Variants in PCM1 observed in about 807,000 individuals in gnomAD.
The protein encoded by PCM1 is pericentriolar material 1 protein.
In PCM1, 157 loss-of-function variants were observed where a neutral mutation model predicts 241.9. That is an observed-to-expected ratio of 0.65 (90% CI 0.57 to 0.74). The LOEUF (loss-of-function observed/expected upper bound fraction) is 0.74, where lower values mean the gene tolerates loss of function less well. PCM1 is among the 30% of genes least tolerant of loss of function. PCM1 has a pLI of 0.00. For missense variants in PCM1, 3,478 were observed against 2,360.1 expected (o/e 1.47, Z -9.81); for synonymous variants, 1,085 against 784.9 (o/e 1.38, Z -6.39).
chr8:17,983,181 T>G, intron 24 of PCM1: 1 of 932,288 alleles, frequency 1.1e-6, no homozygotes, highest in Non-Finnish European at 1.5e-6. Flanking sequence ...GACCCTGTCT[T>G]TACTACTCAT....
chr8:17,964,318 A>G (rs1372031528), intron 17 of PCM1, among the ~76,000 whole-genome samples: 1 of 152,216 alleles, frequency 6.6e-6, no homozygotes, highest in Non-Finnish European at 1.5e-5. Flanking sequence ...AGCTTTGGGA[A>G]GTAGTCCCAG....
Position 18,010,616 on chromosome 8 carries a change from G to A in PCM1, c.5168G>A (p.Arg1723Lys). 6.2e-7 allele frequency: 1 copy of A among 1,601,040 alleles called. No homozygotes were observed. ...VIQSCAKEAK[R>K]ILEDHGSPAG... is the part of the protein sequence containing the mutation. ...AATTGATTTGTTTTAAAGGCTAAAA[G>A]GATTCTTGAAGATCATGGCTCACCT... Residue 1723 changes from arginine (R) to lysine (K), a missense_variant, in exon 32 of 39, where the codon AGG (arginine) becomes AAG (lysine). Physicochemically the swap from Arg to Lys is conservative, Grantham distance 26. Coordinates refer to ENST00000325083, the MANE Select transcript of PCM1 (RefSeq NM_006197.4).
intron 29 of PCM1, among the ~76,000 whole-genome samples, chr8:18,005,007 T>A (rs1652328979): frequency 6.6e-6 from 1 of 152,164 alleles, no homozygotes. Flanking sequence ...CTACTGTTAC[T>A]TTTTCACGTA....
At chr8:17,957,450 T>G (rs1188275134) in intron 12 of PCM1, 29 bp downstream of exon 12, 11 of 1,609,686 alleles carry the variant, frequency 6.8e-6, no homozygotes, top group Non-Finnish European at 8.5e-6. Flanking sequence ...ACATATAATT[T>G]TGCTGTGTTA....
Position 17,972,311 on chromosome 8 carries a change from C to G in PCM1, c.3585-18C>G. On this transcript the variant is annotated intron_variant, in intron 22 of 38. Transcript: ENST00000325083. ...AACTATAGTTGTTAACTTATAAAAA[C>G]TTGTTTTCATTGGTAAGGAATAAAA... 3 of 1,403,892 alleles carry G rather than the reference C, an allele frequency of 2.1e-6. No homozygotes were observed. Among genetic ancestry groups the G allele is most frequent in the Non-Finnish European group, 2.8e-6 (3 of 1,056,422 alleles). The allele number at this position is 1,403,892 out of a possible 1,614,324, so 87.0% of individuals were successfully genotyped here. A position where few individuals can be genotyped will look rare whatever the true frequency, so the allele number is the denominator to read the frequency against.
rs1415520938 is a variant in PCM1, at chr8:18,009,677, T to C, written c.5093T>C (p.Ile1698Thr). 1 of 1,569,422 alleles carries C rather than the reference T, an allele frequency of 6.4e-7. No homozygotes were observed. The highest frequency in any genetic ancestry group is 8.6e-7 in the Non-Finnish European group (1 of 1,159,010). Residue 1698 changes from isoleucine (I) to threonine (T), a missense_variant, in exon 31 of 39, where the codon ATA becomes ACA. Coordinates refer to ENST00000325083, the MANE Select transcript of PCM1 (RefSeq NM_006197.4). ...ATGCAAGATTTGGATAATAATAGTA[T>C]AACTGTTAAACAGAGATGCAAAAGG... ...KLMQDLDNNSITVKQRCKRKI... is the reference protein window; with the variant it reads ...KLMQDLDNNSTTVKQRCKRKI...
intron 24 of PCM1, among the ~76,000 whole-genome samples, 189 bp from the exon 25 acceptor site, chr8:17,985,258 C>G (rs1477348356): frequency 6.6e-6 from 1 of 151,520 alleles, no homozygotes; most frequent in African/African-American, 2.4e-5. Context: ...AAATGCATAT[C>G]TTGATATTTT....
chr8:17,982,746 G>A (rs981392994), intron 24 of PCM1: 1 of 152,272 alleles, frequency 6.6e-6, no homozygotes, highest in Admixed American at 6.6e-5. Flanking sequence ...CGCCCGCCTC[G>A]GCCTCCCAAA....
chr8:17,976,251 C>G (rs2078731601), intron 23 of PCM1, among the ~76,000 whole-genome samples: 1 of 152,210 alleles, frequency 6.6e-6, no homozygotes, highest in African/African-American at 2.4e-5. Flanking sequence ...GGTGCCATTT[C>G]TCTGTGCCCC....
chr8:18,010,851 T>C (rs1198844819), intron 32 of PCM1, among the ~76,000 whole-genome samples, 183 bp downstream of exon 32: 2 of 152,122 alleles, frequency 1.3e-5, no homozygotes, highest in Admixed American at 1.3e-4. Context: ...CGTGTGCCTA[T>C]AGTCCCAGCT....
At position 17,980,729 on chromosome 8, in the gene PCM1, G is replaced by A. The variant is rs770022786; in HGVS notation, c.4082G>A (p.Cys1361Tyr). The change falls in exon 24 of 39, where the codon TGT becomes TAT. Residue 1361 changes from cysteine (C) to tyrosine (Y), a missense_variant. Transcript: ENST00000325083. The part of the protein sequence containing the change: ...NHEQLEKIIK[C>Y]NRSTEISSET... ...GAGCAACTGGAAAAAATAATAAAAT[G>A]TAATAGGTCTACAGAAATATCTTCA... 4 of 1,610,652 alleles carry A rather than the reference G, an allele frequency of 2.5e-6. No individual in the cohort carries two copies. Among genetic ancestry groups the A allele is most frequent in the Admixed American group, 1.7e-5 (1 of 59,976 alleles).
At position 17,964,855 on chromosome 8, in the gene PCM1, C is replaced by G. The variant is rs577189451; in HGVS notation, c.2855+87C>G. ...GCAAGCACTTCTGCAGTTCTCCAAG[C>G]CAACTGAATGTCCTACAACTCAATT... On this transcript the variant is annotated intron_variant, in intron 18 of 38. Transcript: ENST00000325083. 3.3e-3 allele frequency: 3,062 copies of G among 934,598 alleles called. 54 individuals carry two copies. In the African/African-American group the frequency reaches 0.04, roughly 12 times the overall value. 57.9% of individuals were successfully genotyped at this position (934,598 alleles called of 1,614,324 possible).
chr8:17,930,658 C>G (rs1192312300), intron 2 of PCM1, among the ~76,000 whole-genome samples: 1 of 151,744 alleles, frequency 6.6e-6, no homozygotes, highest in Non-Finnish European at 1.5e-5. Context: ...GCGGGCGGAT[C>G]ACGAGGTCAG....
chr8:17,987,818 A>G (rs1466221181), intron 26 of PCM1, among the ~76,000 whole-genome samples: 1 of 151,860 alleles, frequency 6.6e-6, no homozygotes, highest in East Asian at 1.9e-4. Flanking sequence ...GCCATTAGCT[A>G]CATGTGGCTA....
chr8:17,937,603 A>G (rs1189991394), intron 4 of PCM1, among the ~76,000 whole-genome samples: 1 of 152,164 alleles, frequency 6.6e-6, no homozygotes, highest in African/African-American at 2.4e-5. Flanking sequence ...TCTGGACTTT[A>G]TACTATGTTA....
chr8:17,927,161 C>G (rs1341220314), intron 2 of PCM1: 3 of 133,920 alleles, frequency 2.2e-5, no homozygotes, highest in African/African-American at 5.5e-5. Flanking sequence ...GAGTCTTGCT[C>G]TGTTGTCCAG....
At chr8:17,952,185 T>C (rs1406960547) in intron 8 of PCM1, among the ~76,000 whole-genome samples, 1 of 151,608 alleles carries the variant, frequency 6.6e-6, no homozygotes, top group East Asian at 1.9e-4. Context: ...ATCACGCCAC[T>C]GCACTCTAGC....
At chr8:17,983,631 T>C (rs576327179) in intron 24 of PCM1, among the ~76,000 whole-genome samples, 2 of 152,300 alleles carry the variant, frequency 1.3e-5, no homozygotes, top group South Asian at 4.1e-4. Context: ...ATAGTTACTT[T>C]TATAGTTTAT....
In PCM1 at chr8:17,985,482, C is replaced by A. The variant is rs2082291478; in HGVS notation, c.4144C>A (p.Arg1382=). ...TGATTTTTCCATGTTTGAAGCTTTG[C>A]GAGATACTATTTATTCTGAAGTAGC... ...GSDFSMFEAL[R]DTIYSEVATL... is the part of the protein sequence containing the mutation. The change falls in exon 25 of 39, where the codon CGA becomes AGA. Residue 1382 remains arginine (R), a synonymous_variant. Transcript: ENST00000325083. The A allele has an allele frequency of 1.9e-6, 3 of 1,563,038 alleles. No homozygotes were observed. Among genetic ancestry groups the A allele is most frequent in the Non-Finnish European group, 2.6e-6 (3 of 1,151,668 alleles).
Sources: gnomAD v4.1 joint callset for allele counts (sites outside exome capture counted in the v4.1 genomes callset) on GRCh38, gnomAD v4.1.1 for gene constraint, MANE v1.5 for transcripts, NCBI Gene and HGNC (gene_info 2026-07-23, HGNC 2026-07-21) for gene names.